The following CFAP300 variants were observed in gnomAD, a reference collection of about 807,000 sequenced individuals.
The protein encoded by CFAP300 is cilia- and flagella-associated protein 300.
A neutral mutation model predicts 33.0 loss-of-function variants in CFAP300; 32 were observed. The ratio of observed to expected loss-of-function variants is 0.97; its 90% CI spans 0.73 to 1.30. The LOEUF (loss-of-function observed/expected upper bound fraction) is 1.30, where lower values mean the gene tolerates loss of function less well. Ranked by LOEUF, CFAP300 falls within the 50% of genes most tolerant of loss-of-function variation. The pLI, the probability that CFAP300 is intolerant of heterozygous loss-of-function variation, is 0.00. For synonymous variants in CFAP300, 102 were observed against 106.8 expected, an observed-to-expected ratio of 0.95 and a Z score of 0.28; for missense variants, 356 against 318.1, an observed-to-expected ratio of 1.12 and a Z score of -0.90.
At chr11:102,076,111 A>G in intron 5 of CFAP300, 66 bp downstream of exon 5, 1 of 1,510,132 alleles carries the variant, frequency 6.6e-7, no homozygotes, top group Non-Finnish European at 8.9e-7. Context: ...CTTAACCTTG[A>G]TGGAATTACA....
chr11:102,073,344 C>T (rs1591324877), intron 4 of CFAP300, among the ~76,000 whole-genome samples: 1 of 152,116 alleles, frequency 6.6e-6, no homozygotes, highest in African/African-American at 2.4e-5. Flanking sequence ...TGGTGGTAGC[C>T]AGTTGAGTAG....
intron 2 of CFAP300, among the ~76,000 whole-genome samples, chr11:102,057,053 C>T (rs903057385): frequency 1.6e-4 from 24 of 151,866 alleles, no homozygotes; most frequent in African/African-American, 5.8e-4. Flanking sequence ...TAAAAAAGAG[C>T]TAGCCTGGGT....
intron 2 of CFAP300, among the ~76,000 whole-genome samples, chr11:102,048,118 G>GC (rs1451779712): frequency 1.3e-5 from 2 of 152,138 alleles, no homozygotes; most frequent in African/African-American, 2.4e-5. Context: ...TCTACTTTCA[G>GC]CATCTTGTAT....
At chr11:102,071,262 T>G (rs1352204819) in intron 4 of CFAP300, among the ~76,000 whole-genome samples, 1 of 152,198 alleles carries the variant, frequency 6.6e-6, no homozygotes, top group Non-Finnish European at 1.5e-5. Flanking sequence ...CTGCCTGAAT[T>G]GACCCCATTA....
chr11:102,067,946 TC>T (rs1432029476), intron 4 of CFAP300, among the ~76,000 whole-genome samples: 2 of 152,168 alleles, frequency 1.3e-5, no homozygotes, highest in Non-Finnish European at 1.5e-5. Flanking sequence ...GATATTATCA[TC>T]GTTACAATTA....
rs1941895277 is a variant in CFAP300 at position 102,047,490 on chromosome 11, G to A, written c.20G>A (p.Gly7Glu). 2 of 1,535,774 alleles carry A rather than the reference G, an allele frequency of 1.3e-6. No homozygotes were observed. The highest frequency in any genetic ancestry group is 2.0e-5 in the Admixed American group (1 of 50,978). Reference protein sequence around the residue: MATGELGDLGGYYFRFL... With the variant: MATGELEDLGGYYFRFL... Reference sequence around the variant, plus strand: ...AGCACGATGGCTACTGGGGAGCTCGGGGACTTGGGTGGCTACTACTTCAGG... The same window carrying A: ...AGCACGATGGCTACTGGGGAGCTCGAGGACTTGGGTGGCTACTACTTCAGG... Residue 7 changes from glycine (G) to glutamate (E), a missense_variant, in exon 1 of 7, where the codon GGG becomes GAG. Transcript: ENST00000434758.
intron 5 of CFAP300, among the ~76,000 whole-genome samples, chr11:102,077,132 C>T (rs1942406847): frequency 6.6e-6 from 1 of 152,100 alleles, no homozygotes; most frequent in Non-Finnish European, 1.5e-5. Flanking sequence ...ATACTACTAC[C>T]ACTACTACCA....
chr11:102,063,312 C>G (rs969093636), intron 3 of CFAP300, among the ~76,000 whole-genome samples: 1 of 152,226 alleles, frequency 6.6e-6, no homozygotes, highest in African/African-American at 2.4e-5. Flanking sequence ...TGACACCTGT[C>G]ACCCCTTTCT....
intron 3 of CFAP300, among the ~76,000 whole-genome samples, chr11:102,059,317 GTGTGTA>G (rs1348384480): frequency 1.7e-5 from 2 of 117,218 alleles, no homozygotes; most frequent in Admixed American, 9.3e-5. Flanking sequence ...GTGTGTGTGT[GTGTGTA>G]TGTACTAATA....
chr11:102,060,543 A>G (rs1488814211), intron 3 of CFAP300, among the ~76,000 whole-genome samples: 1 of 152,160 alleles, frequency 6.6e-6, no homozygotes, highest in Non-Finnish European at 1.5e-5. Flanking sequence ...AACTCTTGGG[A>G]CAAGGAAGAA....
intron 6 of CFAP300, 66 bp downstream of exon 6, chr11:102,081,347 C>T (rs752977870): frequency 1.6e-6 from 2 of 1,280,696 alleles, no homozygotes; most frequent in Non-Finnish European, 1.1e-6. Flanking sequence ...GTTGTTACAA[C>T]TGGAGTTAAC....
intron 2 of CFAP300, among the ~76,000 whole-genome samples, chr11:102,050,415 T>G (rs1941951689): frequency 6.6e-6 from 1 of 152,186 alleles, no homozygotes; most frequent in African/African-American, 2.4e-5. Flanking sequence ...GAGGGTATTG[T>G]TTAAACTAGA....
At chr11:102,055,361 C>CTTTTTTTTTTTT (rs561779599) in intron 2 of CFAP300, among the ~76,000 whole-genome samples, 2,029 of 113,022 alleles carry the variant, frequency 0.018, 219 homozygotes, top group African/African-American at 0.049. Flanking sequence ...ATGCGTTACT[C>CTTTTTTTTTTTT]TTTTTTTTTT....
At position 102,066,528 on chromosome 11, in the gene CFAP300, A is replaced by G. The variant is rs1942228055; in HGVS notation, c.312A>G (p.Thr104=). 1 of 1,611,368 alleles carries G rather than the reference A, an allele frequency of 6.2e-7. No homozygotes were observed. The highest frequency in any genetic ancestry group is 2.2e-5 in the East Asian group (1 of 44,690). Residue 104 remains threonine (T), a synonymous_variant, in exon 4 of 7, where the codon ACA becomes ACG. Coordinates refer to ENST00000434758, the MANE Select transcript of CFAP300 (RefSeq NM_032930.3). ...KKIEAINVPC[T]QLSMSFFHRL... ...TTGAAGCTATAAATGTTCCTTGCAC[A>G]CAGCTTTCAATGTCATTTTTTCATC... is the stretch of plus-strand genomic sequence containing the variant.
chr11:102,081,251 T>G lies in CFAP300; in HGVS notation c.645T>G (p.Ile215Met). ...RKNPQTKKIQ[I>M]TSSVFKVSAY... ...ATCCTCAAACCAAGAAAATACAGAT[T>G]ACCTCTTCTGTCTTTAAAGTTTCAG... The change falls in exon 6 of 7, where the codon ATT becomes ATG. Residue 215 changes from isoleucine to methionine, a missense_variant. Transcript: ENST00000434758. 6.2e-7 allele frequency: 1 copy of G among 1,611,496 alleles called. No individual in the cohort carries two copies. The highest frequency in any genetic ancestry group is 8.5e-7 in the Non-Finnish European group (1 of 1,179,592).
intron 2 of CFAP300, among the ~76,000 whole-genome samples, chr11:102,055,316 T>C (rs891198806): frequency 1.3e-5 from 2 of 150,264 alleles, no homozygotes; most frequent in Non-Finnish European, 3.0e-5. Context: ...TTTATGCTCA[T>C]ATAAATGTAT....
chr11:102,055,181 A>G (rs191836343), intron 2 of CFAP300, among the ~76,000 whole-genome samples: 11 of 151,904 alleles, frequency 7.2e-5, no homozygotes, highest in Admixed American at 2.0e-4. Flanking sequence ...GGGTTTCAAC[A>G]TGTTGGTCAG....
At chr11:102,083,050 A>G in intron 6 of CFAP300, 21 bp from the exon 7 acceptor site, 1 of 1,288,572 alleles carries the variant, frequency 7.8e-7, no homozygotes, top group Non-Finnish European at 1.0e-6. Context: ...AATAATAATA[A>G]TTTAGGTTTG....
chr11:102,071,005 T>C (rs938475528), intron 4 of CFAP300, among the ~76,000 whole-genome samples: 17 of 152,172 alleles, frequency 1.1e-4, no homozygotes, highest in African/African-American at 3.4e-4. Flanking sequence ...CTGATGAGAA[T>C]AGATATTCTG....
Sources: allele counts gnomAD v4.1 joint callset (sites outside exome capture counted in the v4.1 genomes callset), GRCh38; gene constraint gnomAD v4.1.1; transcripts MANE v1.5; gene names NCBI Gene and HGNC (gene_info 2026-07-23, HGNC 2026-07-21).